The following WAPL variants were observed in gnomAD, a reference collection of about 807,000 sequenced individuals.
The protein encoded by WAPL is wings apart-like protein homolog.
Under a neutral mutation model 121.0 loss-of-function variants are expected in WAPL, and 5 were observed. That is an observed-to-expected ratio of 0.04 (90% CI 0.02 to 0.09). The LOEUF (loss-of-function observed/expected upper bound fraction) is 0.09. WAPL is among the 10% of genes least tolerant of loss of function. The probability of loss-of-function intolerance (pLI) is 1.00; values close to 1 mark genes in which losing one functional copy is unlikely to be tolerated. For missense variants in WAPL, 999 were observed against 1,410.8 expected, an observed-to-expected ratio of 0.71 and a Z score of 4.68; for synonymous variants, 480 against 481.5, an observed-to-expected ratio of 1.00 and a Z score of 0.04.
intron 2 of WAPL, among the ~76,000 whole-genome samples, chr10:86,501,999 G>A (rs1842256337): frequency 6.6e-6 from 1 of 152,006 alleles, no homozygotes; most frequent in Non-Finnish European, 1.5e-5. Flanking sequence ...GCCTCCAAAG[G>A]GTTTTAATGT....
Position 86,458,100 on chromosome 10 carries a change from G to C in WAPL, c.2657+889C>G, listed in dbSNP as rs181204768. 1.8e-4 allele frequency among the ~76,000 whole-genome samples: 27 copies of C among 152,330 alleles called. No individual in the cohort carries two copies. In the East Asian group the frequency reaches 4.6e-3, roughly 26 times the overall value. ...ACTGCAATGGGCCTTTGATAAGGCT[G>C]ACTTCAATAAGAAAGTTGTACATAT... On this transcript the variant is annotated intron_variant, in intron 12 of 18. Transcript: ENST00000298767.
chr10:86,470,911 T>G (rs1211863691), intron 8 of WAPL, 81 bp downstream of exon 8: 1 of 1,094,414 alleles, frequency 9.1e-7, no homozygotes, highest in Non-Finnish European at 1.3e-6. Context: ...TATAGAATAT[T>G]CAGTGAAGAT....
intron 2 of WAPL, among the ~76,000 whole-genome samples, chr10:86,517,201 A>G (rs911050653): frequency 6.6e-6 from 1 of 152,208 alleles, no homozygotes; most frequent in Non-Finnish European, 1.5e-5. Context: ...ACTAATCCTC[A>G]TTTTAAATAC....
At chr10:86,470,149 C>A (rs1296360213) in intron 8 of WAPL, among the ~76,000 whole-genome samples, 1 of 152,054 alleles carries the variant, frequency 6.6e-6, no homozygotes, top group Non-Finnish European at 1.5e-5. Context: ...TCTCCTGCCT[C>A]AGCCTCCCAA....
chr10:86,450,674 T>C (rs1326987842), intron 15 of WAPL, among the ~76,000 whole-genome samples: 1 of 152,238 alleles, frequency 6.6e-6, no homozygotes, highest in African/African-American at 2.4e-5. Flanking sequence ...TATTATCAAC[T>C]ATTGATAGTA....
At chr10:86,474,284 C>T (rs1258606790) in intron 4 of WAPL, among the ~76,000 whole-genome samples, 1 of 151,318 alleles carries the variant, frequency 6.6e-6, no homozygotes, top group African/African-American at 2.4e-5. Flanking sequence ...GAGGCCAAGG[C>T]GGGTGGATCA....
intron 17 of WAPL, among the ~76,000 whole-genome samples, chr10:86,440,351 G>A (rs958452130): frequency 1.3e-5 from 2 of 151,290 alleles, no homozygotes; most frequent in African/African-American, 2.4e-5. Flanking sequence ...GCAGTGGTGC[G>A]ATCTCCACTC....
intron 4 of WAPL, among the ~76,000 whole-genome samples, chr10:86,480,626 T>C (rs1841760392): frequency 1.5e-5 from 1 of 68,162 alleles, no homozygotes; most frequent in Non-Finnish European, 3.4e-5. Flanking sequence ...CCGGAAGCTA[T>C]AAATATCTTG....
rs749530049 is a variant in WAPL, at chr10:86,438,005, G to A, written c.3422C>T (p.Thr1141Ile). The stretch of plus-strand genomic sequence containing the variant: ...TTCTGGCAGATATTCCCGCACAGTG[G>A]TTACATTGATCTGAGGAAACAGAGC... ...CLCQESPINV[T>I]TVREYLPEGD... Residue 1141 changes from threonine to isoleucine, a missense_variant, in exon 18 of 19, where the codon ACC becomes ATC. By Grantham distance (89) the Thr-to-Ile change is moderately conservative (BLOSUM62 -1). Transcript: ENST00000298767. 6.2e-7 allele frequency: 1 copy of A among 1,613,090 alleles called. No individual in the cohort carries two copies. The highest frequency in any genetic ancestry group is 8.5e-7 in the Non-Finnish European group (1 of 1,179,390).
intron 15 of WAPL, among the ~76,000 whole-genome samples, chr10:86,446,662 CTAA>C (rs1184526633): frequency 9.9e-5 from 15 of 152,148 alleles, no homozygotes; most frequent in African/African-American, 3.6e-4. Flanking sequence ...ATGAAGTCAT[CTAA>C]TAATGATGCA....
At chr10:86,492,822 C>G (rs973992894) in intron 4 of WAPL, among the ~76,000 whole-genome samples, 1 of 152,050 alleles carries the variant, frequency 6.6e-6, no homozygotes, top group Non-Finnish European at 1.5e-5. Flanking sequence ...TTTGGGAAGC[C>G]GAGGCGAGCA....
At chr10:86,450,798 G>A (rs1042378849) in intron 15 of WAPL, among the ~76,000 whole-genome samples, 10 of 152,090 alleles carry the variant, frequency 6.6e-5, no homozygotes, top group African/African-American at 2.4e-4. Context: ...TAGTCAAAAC[G>A]GAGTATTCTG....
chr10:86,453,864 T>G (rs1253937267), intron 12 of WAPL, 33 bp from the exon 13 acceptor site: 1 of 1,425,694 alleles, frequency 7.0e-7, no homozygotes, highest in East Asian at 2.7e-5. Flanking sequence ...ACTATTATAG[T>G]AAATAATAAT....
chr10:86,486,788 C>CTACAAAAAA (rs1841938457), intron 4 of WAPL, among the ~76,000 whole-genome samples: 1 of 152,040 alleles, frequency 6.6e-6, no homozygotes, highest in Non-Finnish European at 1.5e-5. Context: ...AACCCCATCT[C>CTACAAAAAA]TACAAAAAAT....
rs1329450933 is a variant in WAPL at position 86,500,214 on chromosome 10, A to G, written c.1029T>C (p.Ser343=). Residue 343 remains serine, a synonymous_variant, in exon 3 of 19, where the codon AGT becomes AGC. Transcript: ENST00000298767. The part of the protein sequence containing the change: ...GLNQAKKGGV[S]CGTSFRGTVG... ...CTGTCCCTCTAAAACTGGTCCCACAACTTACACCCCCTTTCTTTGCCTGAT... is the reference window on the plus strand; with the variant it reads ...CTGTCCCTCTAAAACTGGTCCCACAGCTTACACCCCCTTTCTTTGCCTGAT... The G allele has an allele frequency of 6.2e-7, 1 of 1,614,192 alleles. No homozygotes were observed. The highest frequency in any genetic ancestry group is 8.5e-7 in the Non-Finnish European group (1 of 1,180,018).
At position 86,437,430 on chromosome 10, in the gene WAPL, T is replaced by C. The variant is rs1247107744; in HGVS notation, c.*113A>G. 1 of 1,118,352 alleles carries C rather than the reference T, an allele frequency of 8.9e-7. No individual in the cohort carries two copies. Among genetic ancestry groups the C allele is most frequent in the Non-Finnish European group, 1.3e-6 (1 of 797,336 alleles). 69.3% of individuals were successfully genotyped at this position (1,118,352 alleles called of 1,614,324 possible). On this transcript the variant is annotated 3_prime_UTR_variant, in exon 19 of 19. Transcript: ENST00000298767. Reference sequence around the variant, plus strand: ...GTGGCCTTAAAAATCCAAACACGAATGATACTGATGAATGTTCTTGGTATA... The same window carrying C: ...GTGGCCTTAAAAATCCAAACACGAACGATACTGATGAATGTTCTTGGTATA...
chr10:86,461,272 T>C lies in WAPL; in HGVS notation c.2386A>G (p.Met796Val). Reference sequence around the variant, plus strand: ...GAAGTAAGGGATAATAATGTCTCCATAGCTAAATGCCCAGTCTAAAAACCA... The same window carrying C: ...GAAGTAAGGGATAATAATGTCTCCACAGCTAAATGCCCAGTCTAAAAACCA... ...LENITTGHLA[M>V]ETLLSLTSKR... is the part of the protein sequence containing the mutation. Residue 796 changes from methionine to valine, a missense_variant, in exon 10 of 19, where the codon ATG becomes GTG. Transcript: ENST00000298767. The C allele has an allele frequency of 1.2e-6, 2 of 1,611,696 alleles. No homozygotes were observed. The highest frequency in any genetic ancestry group is 2.2e-5 in the East Asian group (1 of 44,804).
intron 1 of WAPL, among the ~76,000 whole-genome samples, chr10:86,519,505 C>T (rs1304563842): frequency 6.6e-6 from 1 of 152,094 alleles, no homozygotes; most frequent in East Asian, 1.9e-4. Context: ...GACCCCCCCC[C>T]ATGTTTGGTG....
At position 86,472,791 on chromosome 10, in the gene WAPL, G is replaced by T. The variant is rs1265831727; in HGVS notation, c.1741-27C>A. The T allele has an allele frequency of 6.4e-6, 10 of 1,554,126 alleles. No individual in the cohort carries two copies. The highest frequency in any genetic ancestry group is 6.9e-6 in the Non-Finnish European group (8 of 1,152,124). ...TATTAATAAAGGTATTAAATTAGTTGTTCTAAATAAATATATAAAAATAGG... is the reference window on the plus strand; with the variant it reads ...TATTAATAAAGGTATTAAATTAGTTTTTCTAAATAAATATATAAAAATAGG... On this transcript the variant is annotated intron_variant, in intron 5 of 18. Coordinates refer to ENST00000298767, the MANE Select transcript of WAPL (RefSeq NM_015045.5). The surrounding 1 kb of genome is among the most constrained non-coding windows in gnomAD (Gnocchi z 4.2).
Sources: gnomAD v4.1 joint callset for allele counts (sites outside exome capture counted in the v4.1 genomes callset) on GRCh38, gnomAD v4.1.1 for gene constraint, Gnocchi (gnomAD v3.1) non-coding constraint, MANE v1.5 for transcripts, NCBI Gene and HGNC (gene_info 2026-07-23, HGNC 2026-07-21) for gene names.